RNF6: variants seen among roughly 807,000 people sequenced by gnomAD.
The protein encoded by RNF6 is ring finger protein 6.
In RNF6, 21 loss-of-function variants were observed where a neutral mutation model predicts 50.1. The ratio of observed to expected loss-of-function variants is 0.42; its 90% CI spans 0.30 to 0.60. The LOEUF (loss-of-function observed/expected upper bound fraction) is 0.60. RNF6 is among the 20% of genes least tolerant of loss of function. The probability of loss-of-function intolerance (pLI) is 0.20; values close to 1 mark genes in which losing one functional copy is unlikely to be tolerated. For missense variants in RNF6, 698 were observed against 838.2 expected, an observed-to-expected ratio of 0.83 and a Z score of 2.07; for synonymous variants, 255 against 291.8, an observed-to-expected ratio of 0.87 and a Z score of 1.29.
At chr13:26,216,537 C>T (rs367592587) in intron 4 of RNF6, among the ~76,000 whole-genome samples, 1 of 152,002 alleles carries the variant, frequency 6.6e-6, no homozygotes, top group East Asian at 1.9e-4. Context: ...AAGATACTGC[C>T]ACTGTGCCAA....
intron 5 of RNF6, among the ~76,000 whole-genome samples, chr13:26,191,358 A>T (rs534301054): frequency 7.6e-4 from 116 of 152,272 alleles, no homozygotes; most frequent in African/African-American, 2.7e-3. Flanking sequence ...ATCACACAAA[A>T]ATCTCCTTTC....
In RNF6 at chr13:26,215,570, A is replaced by C. The variant is rs1869791167; in HGVS notation, c.312T>G (p.Ser104Arg). The change falls in exon 5 of 5, where the codon AGT becomes AGG. Residue 104 changes from serine to arginine, a missense_variant. Coordinates refer to ENST00000381588, the MANE Select transcript of RNF6 (RefSeq NM_005977.4). ...ATTCTAGAAGAGAATCTTCATGTGA[A>C]CTTTCTCTAGGGACTTCTGAGTCTA... ...NYRDSEVPRE[S>R]SHEDSLLEWL... 1 of 1,605,812 alleles carries C rather than the reference A, an allele frequency of 6.2e-7. No individual in the cohort carries two copies. Among genetic ancestry groups the C allele is most frequent in the African/African-American group, 1.3e-5 (1 of 74,794 alleles).
intron 5 of RNF6, among the ~76,000 whole-genome samples, chr13:26,200,787 G>C (rs182505693): frequency 6.6e-6 from 1 of 152,272 alleles, no homozygotes. Context: ...GTGAGCAGAG[G>C]AGATACTCAC....
At chr13:26,164,537 A>G (rs573423465) in intron 5 of RNF6, among the ~76,000 whole-genome samples, 2 of 152,224 alleles carry the variant, frequency 1.3e-5, no homozygotes, top group South Asian at 2.1e-4. Context: ...CAAATCTACT[A>G]AGGTCTTTAA....
chr13:26,216,960 A>C (rs986589863), intron 4 of RNF6, among the ~76,000 whole-genome samples: 1 of 152,238 alleles, frequency 6.6e-6, no homozygotes, highest in Admixed American at 6.5e-5. Flanking sequence ...GTCTCAAAAA[A>C]TAAATAAACA....
At chr13:26,211,741 G>C, downstream of RNF6, among the ~76,000 whole-genome samples, 1 of 152,168 alleles carries the variant, frequency 6.6e-6, no homozygotes, top group South Asian at 2.1e-4. Context: ...CTGGGCAACA[G>C]AGTGAGACTC....
downstream of RNF6, among the ~76,000 whole-genome samples, chr13:26,212,157 T>A (rs1156423151): frequency 6.6e-6 from 1 of 152,202 alleles, no homozygotes; most frequent in East Asian, 1.9e-4. Context: ...TATGCTGTAG[T>A]AGACCCATCC....
chr13:26,133,681 G>A (rs574967038), intron 5 of RNF6, among the ~76,000 whole-genome samples: 1 of 152,146 alleles, frequency 6.6e-6, no homozygotes, highest in African/African-American at 2.4e-5. Context: ...GATGTTTCTT[G>A]TACTTTCTAT....
intron 5 of RNF6, among the ~76,000 whole-genome samples, chr13:26,186,647 G>T (rs1418462072): frequency 6.6e-6 from 1 of 152,268 alleles, no homozygotes; most frequent in Non-Finnish European, 1.5e-5. Context: ...GCTCTCACAG[G>T]GCCCGCAGCG....
At chr13:26,146,355 G>T (rs1363135157) in intron 5 of RNF6, among the ~76,000 whole-genome samples, 1 of 152,180 alleles carries the variant, frequency 6.6e-6, no homozygotes, top group Non-Finnish European at 1.5e-5. Flanking sequence ...TTTGGTGGTT[G>T]GGTGCTGCCA....
intron 5 of RNF6, among the ~76,000 whole-genome samples, chr13:26,159,372 C>A (rs1872092886): frequency 6.6e-6 from 1 of 152,078 alleles, no homozygotes; most frequent in Admixed American, 6.5e-5. Context: ...CGCCTGTAAT[C>A]CCAGCACTTT....
chr13:26,218,486 C>T (rs1373179067), intron 4 of RNF6, 25 bp downstream of exon 4: 1 of 1,553,490 alleles, frequency 6.4e-7, no homozygotes, highest in Admixed American at 1.7e-5. Context: ...CAAGCCTGTT[C>T]CTTATGGAAA....
At chr13:26,165,075 G>A (rs1019062405) in intron 5 of RNF6, among the ~76,000 whole-genome samples, 2 of 152,150 alleles carry the variant, frequency 1.3e-5, no homozygotes, top group Non-Finnish European at 2.9e-5. Context: ...GGAAAAAGTG[G>A]TTTCGTGAGC....
chr13:26,175,290 A>G lies in RNF6; in HGVS notation n.768+40184T>C, dbSNP rs146981895. Among the ~76,000 whole-genome samples the G allele has an allele frequency of 6.8e-3, 1,040 of 152,298 alleles. 16 individuals carry two copies. The highest frequency in any genetic ancestry group is 0.05 in the South Asian group (242 of 4,824). ...GAGACGGGGTTTGGCCATGTTGGCCAGGCTGGTCTCAAACTCCTGGCCTCA... is the reference window on the plus strand; with the variant it reads ...GAGACGGGGTTTGGCCATGTTGGCCGGGCTGGTCTCAAACTCCTGGCCTCA... On this transcript the variant is annotated intron_variant and non_coding_transcript_variant, in intron 5 of 5. Transcript: ENST00000468480.
chr13:26,172,076 C>T lies in RNF6; in HGVS notation n.769-39625G>A, dbSNP rs557850911. On this transcript the variant is annotated intron_variant and non_coding_transcript_variant, in intron 5 of 5. Transcript: ENST00000468480. ...TAAAATGGGAAATTTTATGTAATGT[C>T]TTTTACCACAATAAGATATATAACT... Among the ~76,000 whole-genome samples the T allele has an allele frequency of 5.3e-5, 8 of 152,218 alleles. No individual in the cohort carries two copies. In the East Asian group the frequency reaches 1.2e-3, roughly 22 times the overall value.
chr13:26,150,210 G>T (rs1393038980), intron 5 of RNF6, among the ~76,000 whole-genome samples: 1 of 151,816 alleles, frequency 6.6e-6, no homozygotes, highest in Non-Finnish European at 1.5e-5. Context: ...TCCGGATTTT[G>T]CCCCAACTTA....
At chr13:26,218,064 T>A (rs1324893843) in intron 4 of RNF6, among the ~76,000 whole-genome samples, 1 of 152,234 alleles carries the variant, frequency 6.6e-6, no homozygotes, top group Non-Finnish European at 1.5e-5. Flanking sequence ...CTTCATTTAG[T>A]TTGAAGTTCT....
At chr13:26,158,382 C>T (rs949159156) in intron 5 of RNF6, among the ~76,000 whole-genome samples, 2 of 152,126 alleles carry the variant, frequency 1.3e-5, no homozygotes, top group Non-Finnish European at 2.9e-5. Context: ...CATCCATCCC[C>T]TGGAAGATCG....
At position 26,212,931 on chromosome 13, in the gene RNF6, G is replaced by A. The variant is rs1869410004; in HGVS notation, c.*893C>T. 6.6e-6 allele frequency: 1 copy of A among 152,274 alleles called. No homozygotes were observed. Among genetic ancestry groups the A allele is most frequent in the Admixed American group, 6.6e-5 (1 of 15,242 alleles). The allele number at this position is 152,274 out of a possible 1,614,324, so 9.4% of individuals were successfully genotyped here. ...TTGCCTATGCATCTGATTCTTTATA[G>A]ACTTTTAGATTTTAAAACTAAATTT... On this transcript the variant is annotated 3_prime_UTR_variant, in exon 5 of 5. Coordinates refer to ENST00000381588, the MANE Select transcript of RNF6 (RefSeq NM_005977.4).
Sources: gnomAD v4.1 joint callset for allele counts (sites outside exome capture counted in the v4.1 genomes callset) on GRCh38, gnomAD v4.1.1 for gene constraint, MANE v1.5 for transcripts, NCBI Gene and HGNC (gene_info 2026-07-23, HGNC 2026-07-21) for gene names.